Variants in CALN1 observed in about 807,000 individuals in gnomAD.
CALN1 encodes calcium-binding protein 8.
In CALN1, 17 loss-of-function variants were observed where a neutral mutation model predicts 30.6. The ratio of observed to expected loss-of-function variants is 0.56; its 90% CI spans 0.38 to 0.83. The LOEUF (loss-of-function observed/expected upper bound fraction) is 0.83. CALN1 is among the 40% of genes least tolerant of loss of function. The pLI is 0.00. For synonymous variants in CALN1, 156 were observed against 131.4 expected, an observed-to-expected ratio of 1.19 and a Z score of -1.28; for missense variants, 291 against 354.9, an observed-to-expected ratio of 0.82 and a Z score of 1.45.
intron 2 of CALN1, among the ~76,000 whole-genome samples, chr7:72,286,529 T>C (rs1202541992): frequency 6.6e-6 from 1 of 152,166 alleles, no homozygotes; most frequent in Non-Finnish European, 1.5e-5. Context: ...CCCAGAAATA[T>C]ATATGTCTTC....
At chr7:71,978,023 C>T (rs917828873) in intron 5 of CALN1, among the ~76,000 whole-genome samples, 1 of 151,298 alleles carries the variant, frequency 6.6e-6, no homozygotes, top group Non-Finnish European at 1.5e-5. Context: ...GACTAACACA[C>T]ATCTTAGCAG....
chr7:72,388,283 CG>C (rs1805364325), intron 2 of CALN1, among the ~76,000 whole-genome samples: 2 of 152,076 alleles, frequency 1.3e-5, no homozygotes, highest in Admixed American at 1.3e-4. Context: ...AAAAGGGGCA[CG>C]TCCTTTCATC....
chr7:71,979,553 G>A (rs1404636028), intron 5 of CALN1, among the ~76,000 whole-genome samples: 1 of 152,136 alleles, frequency 6.6e-6, no homozygotes, highest in Non-Finnish European at 1.5e-5. Flanking sequence ...AGGAATGAGA[G>A]GGACAGGGAG....
intron 5 of CALN1, among the ~76,000 whole-genome samples, chr7:71,882,080 T>C (rs1275046134): frequency 6.6e-6 from 1 of 151,788 alleles, no homozygotes; most frequent in African/African-American, 2.4e-5. Context: ...AAAAAAAAAT[T>C]GGAGGTTAGA....
chr7:71,894,014 G>A (rs749591474), intron 5 of CALN1, among the ~76,000 whole-genome samples: 1 of 151,908 alleles, frequency 6.6e-6, no homozygotes, highest in Admixed American at 6.6e-5. Context: ...AGCTTGGCAA[G>A]ACTCGTTTTT....
At chr7:72,311,687 G>C (rs572328042) in intron 2 of CALN1, among the ~76,000 whole-genome samples, 1 of 139,332 alleles carries the variant, frequency 7.2e-6, no homozygotes, top group Admixed American at 7.1e-5. Context: ...TGTAGAGATG[G>C]GGTTTTGCCA....
At position 72,023,744 on chromosome 7, in the gene CALN1, T is replaced by C. The variant is rs1440700389; in HGVS notation, c.414A>G (p.Glu138=). The C allele has an allele frequency of 5.0e-6, 8 of 1,613,866 alleles. No individual in the cohort carries two copies. The African/African-American group carries it at 5.3e-5, about 11-fold the overall frequency. The change falls in exon 5 of 7, where the codon GAA becomes GAG. Residue 138 remains glutamate, a synonymous_variant. Transcript: ENST00000395275. ...MDGDGQVDFD[E]FMTILGPKLV... is the part of the protein sequence containing the mutation. ...GTTTGGGGCCAAGAATGGTCATGAA[T>C]TCATCAAAATCCACCTGGCCATCCC... is the stretch of plus-strand genomic sequence containing the variant.
intron 3 of CALN1, among the ~76,000 whole-genome samples, chr7:72,148,208 C>T (rs1283096960): frequency 6.8e-6 from 1 of 147,594 alleles, no homozygotes; most frequent in African/African-American, 2.5e-5. Flanking sequence ...ATGTTTGGAT[C>T]GTGAATGGAT....
At position 71,792,461 on chromosome 7, in the gene CALN1, G is replaced by A. The variant is rs572757821; in HGVS notation, c.659-4559C>T. Among the ~76,000 whole-genome samples, 6 of 152,214 alleles carry A rather than the reference G, an allele frequency of 3.9e-5. No homozygotes were observed. The South Asian group carries it at 8.3e-4, about 21-fold the overall frequency. ...TATGTGGCTCAGCTTTCTTCTTGCC[G>A]ATTGAAGCTTCCACCTTTTGGCTAC... On this transcript the variant is annotated intron_variant, in intron 6 of 6. Transcript: ENST00000395275.
intron 2 of CALN1, among the ~76,000 whole-genome samples, chr7:72,288,836 T>G (rs528841548): frequency 1.3e-5 from 2 of 152,332 alleles, no homozygotes; most frequent in Non-Finnish European, 2.9e-5. Flanking sequence ...TTTAACCCCT[T>G]TTCCCCAAAA....
chr7:72,473,563 T>C, the CALN1 span, among the ~76,000 whole-genome samples: 2 of 152,174 alleles, frequency 1.3e-5, no homozygotes, highest in Non-Finnish European at 1.5e-5. Flanking sequence ...GCCAAAGATG[T>C]ATTTAACTTA....
At chr7:72,360,068 T>TA in intron 2 of CALN1, among the ~76,000 whole-genome samples, 1 of 151,900 alleles carries the variant, frequency 6.6e-6, no homozygotes, top group South Asian at 2.1e-4. Context: ...TCTTACAGCT[T>TA]AAAGACCTGG....
At chr7:72,221,111 C>A (rs1468447649) in intron 3 of CALN1, among the ~76,000 whole-genome samples, 1 of 151,932 alleles carries the variant, frequency 6.6e-6, no homozygotes, top group Admixed American at 6.6e-5. Context: ...GACATGAAAT[C>A]CTTGCAAATT....
In CALN1 at chr7:72,177,303, G is replaced by A. The variant is rs1266173128; in HGVS notation, c.245-71009C>T. 3.3e-5 allele frequency among the ~76,000 whole-genome samples: 5 copies of A among 152,290 alleles called. 1 individual carries two copies. The South Asian group carries it at 8.3e-4, about 25-fold the overall frequency. On this transcript the variant is annotated intron_variant, in intron 3 of 6. Coordinates refer to ENST00000395275, the MANE Select transcript of CALN1 (RefSeq NM_031468.4). ...ACTTGGAGGAGGAGACAGATTTAAGGAAGGTAAACAGAAATAAGACATCCC... is the reference window on the plus strand; with the variant it reads ...ACTTGGAGGAGGAGACAGATTTAAGAAAGGTAAACAGAAATAAGACATCCC...
rs188408206 is a variant in CALN1 at position 72,401,004 on chromosome 7, C to T, written c.119+2247G>A. Among the ~76,000 whole-genome samples the T allele has an allele frequency of 5.3e-5, 8 of 152,178 alleles. No individual in the cohort carries two copies. The East Asian group carries it at 1.5e-3, about 29-fold the overall frequency. ...TGCATAACCACTCAGGCCACTGCAG[C>T]GAGGAAACAGTGGTGGCTCTCTTTT... On this transcript the variant is annotated intron_variant, in intron 2 of 6. Coordinates refer to ENST00000395275, the MANE Select transcript of CALN1 (RefSeq NM_031468.4).
intron 2 of CALN1, among the ~76,000 whole-genome samples, chr7:72,281,204 T>C (rs1449818247): frequency 6.6e-6 from 1 of 151,728 alleles, no homozygotes; most frequent in Non-Finnish European, 1.5e-5. Flanking sequence ...CTAACACTCA[T>C]GCTCTCTTCC....
intron 1 of CALN1, among the ~76,000 whole-genome samples, chr7:72,426,123 C>G (rs1225971515): frequency 6.6e-6 from 1 of 152,176 alleles, no homozygotes; most frequent in Non-Finnish European, 1.5e-5. Flanking sequence ...AATGCATTGT[C>G]CAGACTTGAA....
intron 3 of CALN1, among the ~76,000 whole-genome samples, chr7:72,251,133 T>C (rs1795525564): frequency 6.6e-6 from 1 of 152,138 alleles, no homozygotes; most frequent in African/African-American, 2.4e-5. Flanking sequence ...TCCCATCTTT[T>C]GACCTGGTAC....
chr7:72,089,784 G>A lies in CALN1; in HGVS notation c.388+16367C>T, dbSNP rs1563048313. ...ATTGAAAATTAAAATACAAACTGTT[G>A]GAAGTAAATCCAGGAAGTAACATAA... On this transcript the variant is annotated intron_variant, in intron 4 of 6. Coordinates refer to ENST00000395275, the MANE Select transcript of CALN1 (RefSeq NM_031468.4). 2.0e-5 allele frequency among the ~76,000 whole-genome samples: 3 copies of A among 152,172 alleles called. No homozygotes were observed. In the East Asian group the frequency reaches 5.8e-4, roughly 29 times the overall value.
Sources: gnomAD v4.1 joint callset for allele counts (sites outside exome capture counted in the v4.1 genomes callset) on GRCh38, gnomAD v4.1.1 for gene constraint, MANE v1.5 for transcripts, NCBI Gene and HGNC (gene_info 2026-07-23, HGNC 2026-07-21) for gene names.